Variants in MBD5 observed in about 807,000 individuals in gnomAD.
The protein encoded by MBD5 is methyl-CpG binding domain protein 5, also known as methyl-CpG-binding domain protein 5.
In MBD5, 13 loss-of-function variants were observed where a neutral mutation model predicts 117.3. The observed-to-expected ratio is 0.11, with a 90% confidence interval of 0.07 to 0.18. MBD5 has a LOEUF of 0.18. Ranked by LOEUF, MBD5 falls within the 10% of genes least tolerant of loss-of-function variation. The pLI is 1.00. For synonymous variants in MBD5, 727 were observed against 766.4 expected, an observed-to-expected ratio of 0.95 and a Z score of 0.85; for missense variants, 1,879 against 2,093.8, an observed-to-expected ratio of 0.90 and a Z score of 2.00.
intron 1 of MBD5, among the ~76,000 whole-genome samples, chr2:148,145,678 A>G (rs1274705949): frequency 2.0e-5 from 3 of 152,224 alleles, no homozygotes; most frequent in African/African-American, 7.2e-5. Flanking sequence ...AATTTTGTCA[A>G]AAGCCTTTTC....
chr2:148,488,281 C>A (rs1011878151), intron 10 of MBD5, among the ~76,000 whole-genome samples: 1 of 152,116 alleles, frequency 6.6e-6, no homozygotes, highest in African/African-American at 2.4e-5. Flanking sequence ...TAAGAATAGT[C>A]TCGGAGATGG....
intron 13 of MBD5, among the ~76,000 whole-genome samples, chr2:148,510,662 T>C (rs190038831): frequency 1.6e-3 from 242 of 152,368 alleles, no homozygotes; most frequent in Non-Finnish European, 3.0e-3. Context: ...TGGTAATCTG[T>C]TAAAAATGTG....
intron 4 of MBD5, among the ~76,000 whole-genome samples, chr2:148,402,028 G>A (rs564191392): frequency 2.0e-5 from 3 of 152,034 alleles, no homozygotes; most frequent in Admixed American, 6.5e-5. Context: ...CGTTCTCGGT[G>A]CTTTATAGTA....
At chr2:148,332,110 T>C (rs1354977092) in intron 3 of MBD5, among the ~76,000 whole-genome samples, 2 of 152,128 alleles carry the variant, frequency 1.3e-5, no homozygotes, top group Non-Finnish European at 2.9e-5. Flanking sequence ...TTTCTACTTC[T>C]TGATTTTTTT....
chr2:148,088,205 G>A (rs1288614984), intron 1 of MBD5, among the ~76,000 whole-genome samples: 1 of 151,872 alleles, frequency 6.6e-6, no homozygotes, highest in Non-Finnish European at 1.5e-5. Context: ...AAGAAATTTG[G>A]GATTATGTTA....
At chr2:148,282,124 T>C (rs994457572) in intron 3 of MBD5, among the ~76,000 whole-genome samples, 5 of 152,162 alleles carry the variant, frequency 3.3e-5, no homozygotes, top group Non-Finnish European at 7.4e-5. Flanking sequence ...ATCTTATACT[T>C]TATCCGTAAT....
chr2:148,128,422 C>G lies in MBD5; in HGVS notation c.-924-50278C>G, dbSNP rs185589775. On this transcript the variant is annotated intron_variant, in intron 1 of 13. Coordinates refer to ENST00000642680, the MANE Select transcript of MBD5 (RefSeq NM_001378120.1). ...TAGAACAGGTTGTAGCATCCTGAAC[C>G]CAATGACAAACAGTTGTCCAAGGTC... 3.6e-3 allele frequency among the ~76,000 whole-genome samples: 546 copies of G among 152,136 alleles called. 8 individuals carry two copies. Among genetic ancestry groups the G allele is most frequent in the Non-Finnish European group, 1.8e-3 (121 of 68,000 alleles).
intron 4 of MBD5, among the ~76,000 whole-genome samples, chr2:148,431,444 A>G (rs1705980648): frequency 6.6e-6 from 1 of 151,994 alleles, no homozygotes; most frequent in Non-Finnish European, 1.5e-5. Flanking sequence ...TATACAGGTA[A>G]ACTGCATGTC....
chr2:148,427,631 G>A (rs558281640), intron 4 of MBD5, among the ~76,000 whole-genome samples: 2 of 152,014 alleles, frequency 1.3e-5, no homozygotes, highest in South Asian at 4.2e-4. Context: ...ACACACCGGG[G>A]CCTGTTGTGG....
chr2:148,330,053 CA>C (rs1312564753), intron 3 of MBD5, among the ~76,000 whole-genome samples: 925 of 21,044 alleles, frequency 0.044, 94 homozygotes, highest in Non-Finnish European at 0.051. Flanking sequence ...GCCCCCCCCA[CA>C]CACACACACA....
At chr2:148,326,369 G>A (rs1702451909) in intron 3 of MBD5, among the ~76,000 whole-genome samples, 1 of 152,178 alleles carries the variant, frequency 6.6e-6, no homozygotes, top group South Asian at 2.1e-4. Context: ...GTGCAGAGCT[G>A]TGTTCAATTC....
At chr2:148,409,621 C>T (rs568214918) in intron 4 of MBD5, among the ~76,000 whole-genome samples, 19 of 152,150 alleles carry the variant, frequency 1.2e-4, no homozygotes, top group East Asian at 5.8e-4. Context: ...TATAAGTAGA[C>T]GCTCACTACA....
intron 13 of MBD5, 27 bp from the exon 14 acceptor site, chr2:148,512,843 G>GTT (rs574909229): frequency 6.3e-7 from 1 of 1,591,404 alleles, no homozygotes. Context: ...TGTTGTTGTT[G>GTT]TTTTTTTTCT....
At chr2:148,082,446 A>C (rs1379025261) in intron 1 of MBD5, among the ~76,000 whole-genome samples, 1 of 152,130 alleles carries the variant, frequency 6.6e-6, no homozygotes, top group Non-Finnish European at 1.5e-5. Context: ...TGGATTATTC[A>C]TCATCTTAGA....
At chr2:148,028,491 G>A (rs1324823440) in intron 1 of MBD5, 2 of 151,978 alleles carry the variant, frequency 1.3e-5, no homozygotes, top group Non-Finnish European at 2.9e-5. Context: ...GGTTATCCTT[G>A]TATTCACAAT....
At chr2:148,329,707 C>A (rs952359383) in intron 3 of MBD5, among the ~76,000 whole-genome samples, 1 of 152,034 alleles carries the variant, frequency 6.6e-6, no homozygotes, top group Non-Finnish European at 1.5e-5. Flanking sequence ...AGAGGCATAA[C>A]CTGGAATGAT....
chr2:148,312,259 C>A (rs558480941), intron 3 of MBD5, among the ~76,000 whole-genome samples: 2 of 152,162 alleles, frequency 1.3e-5, no homozygotes, highest in African/African-American at 4.8e-5. Flanking sequence ...AACTTGGTTG[C>A]GTTCTTCCCA....
chr2:148,040,031 A>C (rs1694311283), intron 1 of MBD5, among the ~76,000 whole-genome samples: 1 of 152,026 alleles, frequency 6.6e-6, no homozygotes, highest in Non-Finnish European at 1.5e-5. Context: ...AAAATTTAAA[A>C]ATTAAGGGCG....
Position 148,232,475 on chromosome 2 carries a change from A to C in MBD5, c.-830-770A>C, listed in dbSNP as rs577665283. On this transcript the variant is annotated intron_variant, in intron 2 of 13. Coordinates refer to ENST00000642680, the MANE Select transcript of MBD5 (RefSeq NM_001378120.1). ...AATTTAATGATGTGTGATCATATAG[A>C]TACTTTTTTTGTTTTTTTCAAGAAA... Among the ~76,000 whole-genome samples the C allele has an allele frequency of 3.3e-5, 5 of 152,196 alleles. No homozygotes were observed. The East Asian group carries it at 5.8e-4, about 18-fold the overall frequency.
Sources: gnomAD v4.1 joint callset for allele counts (sites outside exome capture counted in the v4.1 genomes callset) on GRCh38, gnomAD v4.1.1 for gene constraint, MANE v1.5 for transcripts, NCBI Gene and HGNC (gene_info 2026-07-23, HGNC 2026-07-21) for gene names.